Variants in RTN1 observed in about 807,000 individuals in gnomAD.
RTN1 encodes reticulon 1.
In RTN1, 25 loss-of-function variants were observed where a neutral mutation model predicts 65.5. That is an observed-to-expected ratio of 0.38 (90% CI 0.28 to 0.53). RTN1 has a LOEUF of 0.53. RTN1 is among the 20% of genes least tolerant of loss of function. The pLI, the probability that RTN1 is intolerant of heterozygous loss-of-function variation, is 0.79. For missense variants in RTN1, 983 were observed against 1,025.4 expected (o/e 0.96, Z 0.57); for synonymous variants, 471 against 447.6 (o/e 1.05, Z -0.66).
chr14:59,726,049 C>T (rs1188034117), intron 3 of RTN1, among the ~76,000 whole-genome samples: 1 of 152,180 alleles, frequency 6.6e-6, no homozygotes, highest in Non-Finnish European at 1.5e-5. Flanking sequence ...AGTTCTCTAA[C>T]TTCACCCATT....
At chr14:59,721,350 A>T (rs1427621574) in intron 3 of RTN1, among the ~76,000 whole-genome samples, 2 of 152,242 alleles carry the variant, frequency 1.3e-5, no homozygotes. Context: ...TAACAGAAAG[A>T]GATAGAAACA....
At chr14:59,666,642 A>T (rs571829044) in intron 3 of RTN1, among the ~76,000 whole-genome samples, 1 of 152,122 alleles carries the variant, frequency 6.6e-6, no homozygotes, top group South Asian at 2.1e-4. Context: ...AAAAAAATCA[A>T]TGAATCCAGG....
At chr14:59,823,280 T>A (rs1886975123) in intron 1 of RTN1, among the ~76,000 whole-genome samples, 1 of 152,148 alleles carries the variant, frequency 6.6e-6, no homozygotes, top group Admixed American at 6.5e-5. Context: ...GTCCCCTTTT[T>A]TTTTTAAATC....
intron 3 of RTN1, among the ~76,000 whole-genome samples, chr14:59,678,054 T>C (rs1020205664): frequency 6.6e-6 from 1 of 152,146 alleles, no homozygotes. Flanking sequence ...TTTACAACAA[T>C]GACTACCACG....
rs565974164 is a variant in RTN1, at chr14:59,690,632, G to GAT, written c.1765+36285_1765+36286dup. Among the ~76,000 whole-genome samples, 715 of 152,012 alleles carry GAT rather than the reference G, an allele frequency of 4.7e-3. 5 individuals carry two copies. Among genetic ancestry groups the GAT allele is most frequent in the African/African-American group, 0.017 (688 of 41,466 alleles). On this transcript the variant is annotated intron_variant, in intron 3 of 8. Transcript: ENST00000267484. ...AGAATACTCCAACCACCAACCACAG[G>GAT]ATATATATCGTTCTCAGCTGGACAA...
At chr14:59,750,391 T>G (rs1225298756) in intron 1 of RTN1, among the ~76,000 whole-genome samples, 8 of 58,154 alleles carry the variant, frequency 1.4e-4, no homozygotes, top group East Asian at 7.8e-4. Flanking sequence ...ATATATTATA[T>G]CTATAATATA....
At chr14:59,832,106 G>A (rs1487935404) in intron 1 of RTN1, among the ~76,000 whole-genome samples, 1 of 152,148 alleles carries the variant, frequency 6.6e-6, no homozygotes, top group East Asian at 1.9e-4. Flanking sequence ...TGTAGTCCCT[G>A]AGGGGTTATA....
chr14:59,779,379 C>G (rs531862875), intron 1 of RTN1, among the ~76,000 whole-genome samples: 2 of 152,088 alleles, frequency 1.3e-5, no homozygotes, highest in Admixed American at 6.5e-5. Context: ...GAAACATACT[C>G]TAAATATGCT....
intron 3 of RTN1, among the ~76,000 whole-genome samples, chr14:59,648,985 C>T (rs568243454): frequency 6.6e-6 from 1 of 152,060 alleles, no homozygotes; most frequent in Admixed American, 6.6e-5. Context: ...TAGTGTGATG[C>T]CACTAGCTTT....
At chr14:59,705,422 G>A (rs1008590053) in intron 3 of RTN1, among the ~76,000 whole-genome samples, 1 of 152,166 alleles carries the variant, frequency 6.6e-6, no homozygotes, top group South Asian at 2.1e-4. Flanking sequence ...TCCCACTGGT[G>A]TACTAGCTAT....
intron 1 of RTN1, among the ~76,000 whole-genome samples, chr14:59,761,742 G>A (rs1477004522): frequency 1.3e-5 from 2 of 152,170 alleles, no homozygotes; most frequent in African/African-American, 4.8e-5. Flanking sequence ...ATCCCTTGTA[G>A]AGGTACAGCC....
At chr14:59,776,046 A>C (rs1886043608) in intron 1 of RTN1, among the ~76,000 whole-genome samples, 1 of 152,130 alleles carries the variant, frequency 6.6e-6, no homozygotes, top group Non-Finnish European at 1.5e-5. Flanking sequence ...GCACTTTCCT[A>C]GTCATTTTCT....
intron 1 of RTN1, among the ~76,000 whole-genome samples, chr14:59,787,981 G>T (rs1428081248): frequency 6.6e-6 from 1 of 152,116 alleles, no homozygotes. Context: ...GATTGCACTA[G>T]ATGGGATCTT....
chr14:59,727,568 C>G lies in RTN1; in HGVS notation c.1116G>C (p.Glu372Asp). 1.2e-6 allele frequency: 2 copies of G among 1,612,078 alleles called. No individual in the cohort carries two copies. The highest frequency in any genetic ancestry group is 1.7e-6 in the Non-Finnish European group (2 of 1,179,562). ...EAKGLSYETA[E>D]NPRPVGQLAD... is the part of the protein sequence containing the mutation. ...CCAGCTGGCCCACCGGCCGTGGGTT[C>G]TCGGCGGTTTCATACGATAATCCCT... Residue 372 changes from glutamate to aspartate, a missense_variant, in exon 3 of 9, where the codon GAG becomes GAC. Physicochemically the swap from Glu to Asp is conservative, Grantham distance 45. This residue lies in a region of RTN1 where 818 missense variants were observed against 801.8 expected (regional missense o/e 1.02). Coordinates refer to ENST00000267484, the MANE Select transcript of RTN1 (RefSeq NM_021136.3). The surrounding 1 kb of genome is among the most constrained non-coding windows in gnomAD (Gnocchi z 4.2).
intron 3 of RTN1, among the ~76,000 whole-genome samples, chr14:59,691,951 C>G (rs552763231): frequency 9.1e-4 from 139 of 152,092 alleles, no homozygotes; most frequent in Non-Finnish European, 1.7e-3. Flanking sequence ...ATAAAAAGGG[C>G]CATCTCTGAC....
intron 3 of RTN1, among the ~76,000 whole-genome samples, chr14:59,713,430 G>A (rs972427339): frequency 4.6e-5 from 7 of 152,228 alleles, no homozygotes; most frequent in Non-Finnish European, 7.3e-5. Context: ...AGGCAATAAT[G>A]AGCTGAGCTC....
intron 1 of RTN1, among the ~76,000 whole-genome samples, chr14:59,768,334 G>A (rs1409374346): frequency 6.6e-6 from 1 of 152,062 alleles, no homozygotes; most frequent in African/African-American, 2.4e-5. Context: ...CTTTTCTTTG[G>A]CAACACAAAG....
At chr14:59,827,174 G>A (rs535170955) in intron 1 of RTN1, among the ~76,000 whole-genome samples, 2 of 152,224 alleles carry the variant, frequency 1.3e-5, no homozygotes, top group East Asian at 3.9e-4. Context: ...TGTCTCCCGG[G>A]TTCACGCCAT....
chr14:59,870,550 CT>C lies in RTN1; in HGVS notation c.80del (p.Glu27GlyfsTer7), dbSNP rs1439724904. The C allele has an allele frequency of 6.9e-7, 1 of 1,458,188 alleles. No individual in the cohort carries two copies. The highest frequency in any genetic ancestry group is 2.5e-5 in the Admixed American group (1 of 40,362). The allele number at this position is 1,458,188 out of a possible 1,614,324, so 90.3% of individuals were successfully genotyped here. Reference sequence around the variant, plus strand: ...TCGGCGTCACCGCTTCGTTCTCCCCCTCCCCCCGGTGCCTGAGCCACTGGGA... The same window carrying C: ...TCGGCGTCACCGCTTCGTTCTCCCCCCCCCCCGGTGCCTGAGCCACTGGGA... Reference protein sequence around the residue: ...PGSQWLRHRGEGENEAVTPKG... With the variant: ...PGSQWLRHRGXGENEAVTPKG... On this transcript the variant is annotated frameshift_variant, in exon 1 of 9. Transcript: ENST00000267484. LOFTEE classifies it high-confidence loss of function. The surrounding 1 kb of genome is among the most constrained non-coding windows in gnomAD (Gnocchi z 5.1).
Sources: gnomAD v4.1 joint callset for allele counts (sites outside exome capture counted in the v4.1 genomes callset) on GRCh38, gnomAD v4.1.1 for gene constraint, gnomAD v4.1.1 regional missense constraint, Gnocchi (gnomAD v3.1) non-coding constraint, MANE v1.5 for transcripts, NCBI Gene and HGNC (gene_info 2026-07-23, HGNC 2026-07-21) for gene names.